CNTN5: variants seen among roughly 807,000 people sequenced by gnomAD.
CNTN5 encodes contactin-5.
In CNTN5, 77 loss-of-function variants were observed where a neutral mutation model predicts 129.1. The ratio of observed to expected loss-of-function variants is 0.60; its 90% CI spans 0.50 to 0.72. The LOEUF (loss-of-function observed/expected upper bound fraction) is 0.72. Among genes scored for constraint, CNTN5 ranks in the 30% least tolerant of loss-of-function variants. The pLI is 0.00. For synonymous variants in CNTN5, 509 were observed against 465.6 expected, an observed-to-expected ratio of 1.09 and a Z score of -1.20; for missense variants, 1,478 against 1,328.8, an observed-to-expected ratio of 1.11 and a Z score of -1.75.
At chr11:100,137,971 G>C (rs749976312) in intron 13 of CNTN5, among the ~76,000 whole-genome samples, 1 of 151,946 alleles carries the variant, frequency 6.6e-6, no homozygotes, top group African/African-American at 2.4e-5. Context: ...CACTGGCGAT[G>C]AACTTGAAGA....
At position 99,115,369 on chromosome 11, in the gene CNTN5, A is replaced by C. The variant is rs1188122267; in HGVS notation, c.-210+94099A>C. Among the ~76,000 whole-genome samples, 6 of 152,362 alleles carry C rather than the reference A, an allele frequency of 3.9e-5. No individual in the cohort carries two copies. The East Asian group carries it at 1.2e-3, about 29-fold the overall frequency. On this transcript the variant is annotated intron_variant, in intron 1 of 24. Transcript: ENST00000524871. The stretch of plus-strand genomic sequence containing the variant: ...AATGAAATGTAATAACATAATGCTT[A>C]TAATATCTTACATATAGTATACATT...
At chr11:99,282,235 A>G (rs1051139212) in intron 1 of CNTN5, among the ~76,000 whole-genome samples, 1 of 152,096 alleles carries the variant, frequency 6.6e-6, no homozygotes, top group African/African-American at 2.4e-5. Flanking sequence ...CCACTAAGCA[A>G]GTTAATATGT....
At chr11:99,506,495 T>C (rs1291694227) in intron 2 of CNTN5, among the ~76,000 whole-genome samples, 1 of 152,194 alleles carries the variant, frequency 6.6e-6, no homozygotes, top group Non-Finnish European at 1.5e-5. Flanking sequence ...TATTCTTAGT[T>C]TTCAGTATTG....
chr11:99,471,409 C>G (rs10501914), intron 2 of CNTN5, among the ~76,000 whole-genome samples: 38,595 of 151,928 alleles, frequency 0.25, 5,227 homozygotes, highest in Non-Finnish European at 0.31. Flanking sequence ...CCCACTTTTG[C>G]TTGGCCTGAT....
intron 9 of CNTN5, among the ~76,000 whole-genome samples, chr11:100,039,337 A>C (rs968931292): frequency 6.6e-6 from 1 of 152,178 alleles, no homozygotes; most frequent in Non-Finnish European, 1.5e-5. Context: ...CCCAGAGATC[A>C]GCTGTTTGTC....
At chr11:100,297,576 T>C in intron 18 of CNTN5, 49 bp from the exon 19 acceptor site, 1 of 1,255,344 alleles carries the variant, frequency 8.0e-7, no homozygotes, top group Non-Finnish European at 1.1e-6. Flanking sequence ...TTATCCAACG[T>C]AGGTTGGGAG....
intron 3 of CNTN5, among the ~76,000 whole-genome samples, chr11:99,701,641 TAA>T (rs1188918331): frequency 6.6e-6 from 1 of 151,152 alleles, no homozygotes. Context: ...TATATATTTT[TAA>T]AATATTATCT....
At chr11:99,859,339 T>G (rs1948137472) in intron 6 of CNTN5, among the ~76,000 whole-genome samples, 1 of 152,228 alleles carries the variant, frequency 6.6e-6, no homozygotes, top group Non-Finnish European at 1.5e-5. Flanking sequence ...TTTTTTATTT[T>G]CAATTGATTA....
chr11:99,788,317 G>T lies in CNTN5; in HGVS notation c.56-31227G>T, dbSNP rs1945611271. On this transcript the variant is annotated intron_variant, in intron 3 of 24. Coordinates refer to ENST00000524871, the MANE Select transcript of CNTN5 (RefSeq NM_014361.4). ...TTTCCTTGTTAATAACATATAGGCT[G>T]TGGAGGGCATTTCAAAAAATTGAAG... Among the ~76,000 whole-genome samples the T allele has an allele frequency of 3.3e-5, 5 of 151,824 alleles. No homozygotes were observed. The South Asian group carries it at 1.0e-3, about 31-fold the overall frequency.
chr11:100,023,993 A>G (rs2137577196), intron 9 of CNTN5, among the ~76,000 whole-genome samples: 1 of 152,234 alleles, frequency 6.6e-6, no homozygotes, highest in Middle Eastern at 3.4e-3. Flanking sequence ...TTTTGTGTCG[A>G]TATAAGTTTT....
intron 2 of CNTN5, among the ~76,000 whole-genome samples, chr11:99,325,829 C>A (rs942872235): frequency 1.2e-4 from 19 of 152,258 alleles, no homozygotes; most frequent in Non-Finnish European, 2.5e-4. Context: ...GATATAGCCT[C>A]CTGTTCCATG....
rs74457917 is a variant in CNTN5 at position 100,184,094 on chromosome 11, T to C, written c.1581-7032T>C. On this transcript the variant is annotated intron_variant, in intron 13 of 24. Transcript: ENST00000524871. ...ACCCCCTAAGAAGAGACTTAACTAC[T>C]TCCGTAAATAGCTCAGGTTTCTGTG... 5.7e-3 allele frequency among the ~76,000 whole-genome samples: 875 copies of C among 152,266 alleles called. 10 individuals are homozygous for C. The highest frequency in any genetic ancestry group is 0.02 in the African/African-American group (822 of 41,562).
chr11:99,530,009 T>A (rs568264667), intron 2 of CNTN5, among the ~76,000 whole-genome samples: 2 of 152,190 alleles, frequency 1.3e-5, no homozygotes, highest in African/African-American at 4.8e-5. Flanking sequence ...ATAAAACATT[T>A]AAGGAAAGCA....
rs573480852 is a variant in CNTN5 at position 99,373,196 on chromosome 11, C to T, written c.-71+47712C>T. 6.6e-5 allele frequency among the ~76,000 whole-genome samples: 10 copies of T among 151,912 alleles called. No individual in the cohort carries two copies. In the South Asian group the frequency reaches 1.0e-3, roughly 16 times the overall value. On this transcript the variant is annotated intron_variant, in intron 2 of 24. Transcript: ENST00000524871. Reference sequence around the variant, plus strand: ...TGCACTCCAGCCAGGGTGACAAGAACGAAACTCCATCTCATATAGTTCAGG... The same window carrying T: ...TGCACTCCAGCCAGGGTGACAAGAATGAAACTCCATCTCATATAGTTCAGG...
intron 2 of CNTN5, among the ~76,000 whole-genome samples, chr11:99,396,785 C>T (rs940308481): frequency 6.6e-6 from 1 of 151,616 alleles, no homozygotes; most frequent in Non-Finnish European, 1.5e-5. Context: ...AAAGTAAGAG[C>T]TAATGATCAG....
chr11:100,276,395 C>T (rs1472594509), intron 18 of CNTN5, among the ~76,000 whole-genome samples: 1 of 151,866 alleles, frequency 6.6e-6, no homozygotes. Context: ...AAAAATCAGC[C>T]AGGCATGGTG....
At chr11:100,277,027 C>G (rs1276090574) in intron 18 of CNTN5, among the ~76,000 whole-genome samples, 1 of 151,926 alleles carries the variant, frequency 6.6e-6, no homozygotes, top group East Asian at 1.9e-4. Flanking sequence ...TACATGAGTT[C>G]GATTGTTTTA....
chr11:99,961,412 A>G (rs968958204), intron 8 of CNTN5, among the ~76,000 whole-genome samples: 12 of 152,248 alleles, frequency 7.9e-5, no homozygotes, highest in African/African-American at 2.9e-4. Context: ...CAAGTGAGAC[A>G]TTTCCATATA....
intron 2 of CNTN5, among the ~76,000 whole-genome samples, chr11:99,456,713 C>A (rs377403432): frequency 1.3e-5 from 2 of 151,998 alleles, no homozygotes; most frequent in Admixed American, 6.6e-5. Context: ...ACCTACTGAA[C>A]AACGACAACA....
Sources: gnomAD v4.1 joint callset for allele counts (sites outside exome capture counted in the v4.1 genomes callset) on GRCh38, gnomAD v4.1.1 for gene constraint, MANE v1.5 for transcripts, NCBI Gene and HGNC (gene_info 2026-07-23, HGNC 2026-07-21) for gene names.